Variants in AKAP19 observed in about 807,000 individuals in gnomAD.
AKAP19 encodes small A-kinase anchoring protein.
chr2:190,131,710 A>T, the AKAP19 span, among the ~76,000 whole-genome samples: 4 of 152,190 alleles, frequency 2.6e-5, no homozygotes, highest in Non-Finnish European at 4.4e-5. Flanking sequence ...TGTAGGATCA[A>T]ACCTGTGGGA....
chr2:190,131,946 A>G, the AKAP19 span, among the ~76,000 whole-genome samples: 1 of 152,224 alleles, frequency 6.6e-6, no homozygotes. Context: ...TCCACCAAAA[A>G]AAAATTTGCA....
chr2:189,994,302 G>T, the AKAP19 span, among the ~76,000 whole-genome samples: 1 of 151,898 alleles, frequency 6.6e-6, no homozygotes, highest in East Asian at 1.9e-4. Context: ...GTGAGCTGCC[G>T]CGCCCAGCCT....
At chr2:190,135,825 G>A in the AKAP19 span, among the ~76,000 whole-genome samples, 3 of 152,148 alleles carry the variant, frequency 2.0e-5, no homozygotes, top group Non-Finnish European at 4.4e-5. Context: ...TAAGATTCTT[G>A]ATTGACTAGC....
chr2:190,167,953 G>A, the AKAP19 span, among the ~76,000 whole-genome samples: 8 of 152,204 alleles, frequency 5.3e-5, no homozygotes, highest in African/African-American at 1.7e-4. Flanking sequence ...CTCTTCTCAC[G>A]GCTCCACCAG....
At chr2:190,009,041 A>G in the AKAP19 span, among the ~76,000 whole-genome samples, 5 of 152,050 alleles carry the variant, frequency 3.3e-5, no homozygotes, top group Non-Finnish European at 7.4e-5. Context: ...AAGACTCTAA[A>G]ATGGGAGAGA....
chr2:190,039,193 C>T, the AKAP19 span, among the ~76,000 whole-genome samples: 3 of 151,990 alleles, frequency 2.0e-5, no homozygotes, highest in East Asian at 5.8e-4. Flanking sequence ...ATTCTCCTGC[C>T]TCAGCCTCCT....
At chr2:189,968,372 G>T in the AKAP19 span, among the ~76,000 whole-genome samples, 1 of 152,036 alleles carries the variant, frequency 6.6e-6, no homozygotes, top group African/African-American at 2.4e-5. Flanking sequence ...GGTGTAGCTA[G>T]GACTACAGGC....
chr2:189,930,756 T>C, the AKAP19 span: 590 of 716,746 alleles, frequency 8.2e-4, 5 homozygotes, highest in African/African-American at 9.7e-3. Context: ...AGATCTGTTT[T>C]ACTGATCCAT....
chr2:190,080,739 C>T, the AKAP19 span, among the ~76,000 whole-genome samples: 1 of 152,178 alleles, frequency 6.6e-6, no homozygotes, highest in Non-Finnish European at 1.5e-5. Flanking sequence ...ATACAAGGGT[C>T]TGGTGTGAGC....
At chr2:190,197,762 G>A in the AKAP19 span, among the ~76,000 whole-genome samples, 1 of 152,182 alleles carries the variant, frequency 6.6e-6, no homozygotes, top group Non-Finnish European at 1.5e-5. The surrounding 1 kb of genome is among the most constrained non-coding windows in gnomAD (Gnocchi z 4.0). Flanking sequence ...TTTAAAACTG[G>A]TTTTGGCAAA....
the AKAP19 span, among the ~76,000 whole-genome samples, chr2:190,104,166 C>T: frequency 1.3e-5 from 2 of 152,184 alleles, no homozygotes; most frequent in African/African-American, 4.8e-5. Context: ...CCCCACATTT[C>T]ACCATATACA....
At chr2:189,912,669 A>G in the AKAP19 span, among the ~76,000 whole-genome samples, 1 of 152,226 alleles carries the variant, frequency 6.6e-6, no homozygotes, top group African/African-American at 2.4e-5. Flanking sequence ...TATTGTCTCT[A>G]TGCTTTTGAT....
At chr2:190,069,029 G>A in the AKAP19 span, among the ~76,000 whole-genome samples, 2 of 152,178 alleles carry the variant, frequency 1.3e-5, no homozygotes, top group East Asian at 1.9e-4. Flanking sequence ...ACTGCTTAAG[G>A]TGACTAGATC....
At chr2:190,180,531 T>G in the AKAP19 span, 2 of 985,696 alleles carry the variant, frequency 2.0e-6, no homozygotes, top group African/African-American at 3.5e-5. The surrounding 1 kb of genome is among the most constrained non-coding windows in gnomAD (Gnocchi z 6.8). Flanking sequence ...CATTGACCTT[T>G]GCGGGTCTGT....
At chr2:190,158,103 TG>T in the AKAP19 span, among the ~76,000 whole-genome samples, 8 of 152,224 alleles carry the variant, frequency 5.3e-5, no homozygotes, top group South Asian at 2.1e-4. Context: ...TGACCACTGG[TG>T]CATGCAGCCC....
chr2:189,961,226 AC>A, the AKAP19 span, among the ~76,000 whole-genome samples: 1 of 152,092 alleles, frequency 6.6e-6, no homozygotes, highest in African/African-American at 2.4e-5. Context: ...ACACATACAT[AC>A]CCCAATATAG....
At chr2:189,902,153 A>G in the AKAP19 span, among the ~76,000 whole-genome samples, 5 of 151,932 alleles carry the variant, frequency 3.3e-5, no homozygotes, top group Non-Finnish European at 7.4e-5. Flanking sequence ...TTCTGTGAAG[A>G]CTAGGAGATT....
the AKAP19 span, among the ~76,000 whole-genome samples, chr2:190,172,205 C>T: frequency 1.3e-5 from 2 of 152,186 alleles, 1 homozygote; most frequent in Non-Finnish European, 2.9e-5. Context: ...AGGATTGTCT[C>T]ATGGTTCAGA....
chr2:190,128,508 C>T, the AKAP19 span, among the ~76,000 whole-genome samples: 3,081 of 152,268 alleles, frequency 0.02, 107 homozygotes, highest in African/African-American at 0.07. Context: ...GCAATGGTAC[C>T]GGAGTCTAGT....
Sources: allele counts gnomAD v4.1 joint callset (sites outside exome capture counted in the v4.1 genomes callset), GRCh38; gene constraint gnomAD v4.1.1; non-coding constraint Gnocchi (gnomAD v3.1); transcripts MANE v1.5; gene names NCBI Gene and HGNC (gene_info 2026-07-23, HGNC 2026-07-21).